Variants in ADCY8 observed in about 807,000 individuals in gnomAD.
The protein encoded by ADCY8 is adenylate cyclase type 8.
Under a neutral mutation model 119.7 loss-of-function variants are expected in ADCY8, and 51 were observed. The observed-to-expected ratio is 0.43, with a 90% CI of 0.34 to 0.54. The LOEUF is 0.54. ADCY8 is among the 20% of genes least tolerant of loss of function. The pLI is 0.03. For missense variants in ADCY8, 1,383 were observed against 1,598.8 expected (o/e 0.87, Z 2.30); for synonymous variants, 665 against 651.0 (o/e 1.02, Z -0.33).
chr8:130,826,488 C>T (rs1001966036), intron 12 of ADCY8, among the ~76,000 whole-genome samples: 1 of 152,146 alleles, frequency 6.6e-6, no homozygotes, highest in East Asian at 1.9e-4. Flanking sequence ...CTTTAATTCC[C>T]TCCAAATGCT....
intron 15 of ADCY8, among the ~76,000 whole-genome samples, chr8:130,794,063 G>GT (rs1489843235): frequency 6.6e-6 from 1 of 152,140 alleles, no homozygotes; most frequent in Non-Finnish European, 1.5e-5. Flanking sequence ...ACAAAGACAT[G>GT]TGAGGATGGA....
intron 3 of ADCY8, among the ~76,000 whole-genome samples, chr8:130,945,783 C>T (rs1351779695): frequency 6.6e-6 from 1 of 152,198 alleles, no homozygotes; most frequent in African/African-American, 2.4e-5. Flanking sequence ...GCCTGAACTG[C>T]CAGGCAGCAG....
At chr8:130,812,557 A>C (rs909860643) in intron 14 of ADCY8, among the ~76,000 whole-genome samples, 2 of 152,240 alleles carry the variant, frequency 1.3e-5, no homozygotes, top group African/African-American at 2.4e-5. Context: ...GAGAGAAATT[A>C]GAGCCAAGTG....
intron 2 of ADCY8, among the ~76,000 whole-genome samples, chr8:130,954,027 C>T (rs1821351501): frequency 6.6e-6 from 1 of 152,160 alleles, no homozygotes; most frequent in African/African-American, 2.4e-5. Flanking sequence ...CTGTGAGGGG[C>T]ACTAGTGCTC....
chr8:130,811,295 C>G (rs1043080717), intron 14 of ADCY8, among the ~76,000 whole-genome samples: 104 of 152,264 alleles, frequency 6.8e-4, no homozygotes, highest in African/African-American at 2.4e-3. Context: ...CCTCATCATT[C>G]TCTCCTAGCT....
rs1189064723 is a variant in ADCY8 at position 130,895,510 on chromosome 8, C to T, written c.1911+8262G>A. Among the ~76,000 whole-genome samples, 3 of 152,110 alleles carry T rather than the reference C, an allele frequency of 2.0e-5. No individual in the cohort carries two copies. The East Asian group carries it at 5.8e-4, about 29-fold the overall frequency. ...AATGGATCCAATTGCCTACTTAATC[C>T]ATTCAATGTTCTCTGGAAGCCTTCA... On this transcript the variant is annotated intron_variant, in intron 7 of 17. Coordinates refer to ENST00000286355, the MANE Select transcript of ADCY8 (RefSeq NM_001115.3).
chr8:130,847,209 G>A (rs977444909), intron 11 of ADCY8, among the ~76,000 whole-genome samples: 4 of 152,002 alleles, frequency 2.6e-5, no homozygotes, highest in Non-Finnish European at 5.9e-5. Context: ...AGAGGCAGAG[G>A]AGGGGACAGG....
chr8:130,854,831 C>CA (rs1817661550), intron 9 of ADCY8, among the ~76,000 whole-genome samples: 1 of 126,764 alleles, frequency 7.9e-6, no homozygotes, highest in Non-Finnish European at 1.7e-5. Context: ...CCCTCCCTCC[C>CA]TCCCTCCCTT....
chr8:131,004,168 T>A (rs1212193486), intron 1 of ADCY8, among the ~76,000 whole-genome samples: 1 of 152,166 alleles, frequency 6.6e-6, no homozygotes, highest in Admixed American at 6.5e-5. Context: ...CATGGAGGGA[T>A]TAGGTTTACA....
chr8:131,014,526 A>ATT (rs147750721), intron 1 of ADCY8, among the ~76,000 whole-genome samples: 21 of 151,886 alleles, frequency 1.4e-4, no homozygotes, highest in African/African-American at 3.9e-4. Flanking sequence ...CTATTTTACC[A>ATT]TTTTTTTTAA....
At chr8:130,897,869 A>G (rs1008817344) in intron 7 of ADCY8, among the ~76,000 whole-genome samples, 1 of 151,172 alleles carries the variant, frequency 6.6e-6, no homozygotes, top group African/African-American at 2.4e-5. Context: ...TAAACACCAC[A>G]CACATACACC....
At chr8:130,841,161 T>C (rs1817128814) in intron 11 of ADCY8, among the ~76,000 whole-genome samples, 1 of 152,176 alleles carries the variant, frequency 6.6e-6, no homozygotes, top group Non-Finnish European at 1.5e-5. Context: ...TGGTGGAAAG[T>C]AGATGTAACA....
chr8:131,035,394 A>C (rs1261377243), intron 1 of ADCY8, among the ~76,000 whole-genome samples: 1 of 152,146 alleles, frequency 6.6e-6, no homozygotes, highest in Non-Finnish European at 1.5e-5. Context: ...CTAGACAATA[A>C]TCTCTTTGTT....
chr8:130,928,004 C>T (rs751510520), intron 5 of ADCY8, among the ~76,000 whole-genome samples: 11 of 152,180 alleles, frequency 7.2e-5, no homozygotes, highest in South Asian at 2.1e-4. Flanking sequence ...GCCTGAAACT[C>T]CTGGTCTCAA....
At chr8:131,029,511 G>C (rs1823930171) in intron 1 of ADCY8, among the ~76,000 whole-genome samples, 1 of 152,118 alleles carries the variant, frequency 6.6e-6, no homozygotes, top group Admixed American at 6.6e-5. Flanking sequence ...AGAGGGAAGA[G>C]AACAAGAGGG....
At chr8:131,027,926 T>G (rs964917595) in intron 1 of ADCY8, among the ~76,000 whole-genome samples, 2 of 152,186 alleles carry the variant, frequency 1.3e-5, no homozygotes, top group African/African-American at 4.8e-5. Context: ...CACTACACTA[T>G]GCTGTAGAGA....
At chr8:131,019,248 G>A (rs1210402800) in intron 1 of ADCY8, among the ~76,000 whole-genome samples, 1 of 152,152 alleles carries the variant, frequency 6.6e-6, no homozygotes, top group Non-Finnish European at 1.5e-5. Context: ...TGCCACATAA[G>A]CAACAAAATG....
intron 8 of ADCY8, among the ~76,000 whole-genome samples, chr8:130,873,875 T>C (rs979710284): frequency 6.6e-6 from 1 of 152,166 alleles, no homozygotes; most frequent in Non-Finnish European, 1.5e-5. Flanking sequence ...TATTAGTATA[T>C]ATTAATATAG....
intron 1 of ADCY8, among the ~76,000 whole-genome samples, chr8:131,006,887 A>C (rs981361226): frequency 2.6e-5 from 4 of 152,194 alleles, no homozygotes; most frequent in African/African-American, 7.2e-5. Context: ...TCTCAAACAG[A>C]GGATTTCAGT....
Sources: gnomAD v4.1 joint callset for allele counts (sites outside exome capture counted in the v4.1 genomes callset) on GRCh38, gnomAD v4.1.1 for gene constraint, MANE v1.5 for transcripts, NCBI Gene and HGNC (gene_info 2026-07-23, HGNC 2026-07-21) for gene names.